Variants in SOHLH1 observed in about 807,000 individuals in gnomAD.
SOHLH1 encodes the protein spermatogenesis and oogenesis specific basic helix-loop-helix 1.
A neutral mutation model predicts 36.2 loss-of-function variants in SOHLH1; 23 were observed. The ratio of observed to expected loss-of-function variants is 0.64; its 90% confidence interval spans 0.46 to 0.90. The LOEUF (loss-of-function observed/expected upper bound fraction) is 0.90, where lower values mean the gene tolerates loss of function less well. Among genes scored for constraint, SOHLH1 ranks in the 40% least tolerant of loss-of-function variants. The pLI is 0.00. For synonymous variants in SOHLH1, 289 were observed against 228.3 expected (o/e 1.27, Z -2.40); for missense variants, 608 against 517.0 (o/e 1.18, Z -1.71).
At chr9:135,697,098 C>T (rs938289825) in intron 4 of SOHLH1, among the ~76,000 whole-genome samples, 10 of 152,222 alleles carry the variant, frequency 6.6e-5, no homozygotes, top group African/African-American at 1.9e-4. Flanking sequence ...ACACAAGATG[C>T]AGACAGTCCT....
At chr9:135,699,504 C>T (rs1217008783), upstream of SOHLH1, 2 of 1,600,860 alleles carry the variant, frequency 1.2e-6, no homozygotes, top group Non-Finnish European at 1.7e-6. Flanking sequence ...CGCGCACGGC[C>T]CCTTCCGCAG....
At chr9:135,697,446 T>C in intron 4 of SOHLH1, 60 bp downstream of exon 4, 1 of 1,584,684 alleles carries the variant, frequency 6.3e-7, no homozygotes, top group Non-Finnish European at 8.6e-7. Context: ...CCAGGGGGCT[T>C]TGGGTCTGCT....
Position 135,694,378 on chromosome 9 carries a change from C to T in SOHLH1, c.946+9G>A. 1 of 1,612,594 alleles carries T rather than the reference C, an allele frequency of 6.2e-7. No individual in the cohort carries two copies. The highest frequency in any genetic ancestry group is 8.5e-7 in the Non-Finnish European group (1 of 1,179,682). On this transcript the variant is annotated intron_variant, in intron 7 of 7. Transcript: ENST00000425225. ...GGGGGACCAGCCCTGAACCCAGGGC[C>T]CCACTCACCCGGCCACGAGCTGGGA...
At position 135,693,723 on chromosome 9, in the gene SOHLH1, G is replaced by A; in HGVS notation, c.1038C>T (p.Asp346=). The A allele has an allele frequency of 6.4e-7, 1 of 1,573,920 alleles. No homozygotes were observed. The highest frequency in any genetic ancestry group is 1.4e-5 in the African/African-American group (1 of 73,928). The change falls in exon 8 of 8, where the codon GAC becomes GAT. Residue 346 remains aspartate (D), a synonymous_variant. Coordinates refer to ENST00000425225, the MANE Select transcript of SOHLH1 (RefSeq NM_001101677.2). ...LDVGEPGFLG[D]PELGSQELQD... is the part of the protein sequence containing the mutation. ...GGAGCTCCTGGGAGCCAAGCTCAGG[G>A]TCCCCTAGGAAGCCTGGCTCTCCAA...
In SOHLH1 at chr9:135,695,857, C is replaced by T. The variant is rs911193826; in HGVS notation, c.662-594G>A. Among the ~76,000 whole-genome samples the T allele has an allele frequency of 2.0e-5, 3 of 152,284 alleles. No homozygotes were observed. The South Asian group carries it at 6.2e-4, about 32-fold the overall frequency. ...CTGTGGGTGGCATTAGGGACAAAGG[C>T]CCCGGGTGGCAGAGGGAACAGCTGG... is the stretch of plus-strand genomic sequence containing the variant. On this transcript the variant is annotated intron_variant, in intron 5 of 7. Transcript: ENST00000425225.
In SOHLH1 at chr9:135,695,182, G is replaced by A. The variant is rs550754812; in HGVS notation, c.743C>T (p.Ser248Leu). The A allele has an allele frequency of 5.9e-5, 95 of 1,604,364 alleles. No homozygotes were observed. Among genetic ancestry groups the A allele is most frequent in the East Asian group, 4.3e-4 (19 of 44,570 alleles). ...VRPPLSWPPFSQQQTLPVMSG... is the reference protein window; with the variant it reads ...VRPPLSWPPFLQQQTLPVMSG... The stretch of plus-strand genomic sequence containing the variant: ...CATCACGGGCAAGGTCTGCTGCTGC[G>A]AGAACGGAGGCCAGGACAGGGGTGG... The change falls in exon 6 of 8, where the codon TCG (serine) becomes TTG (leucine). Residue 248 changes from serine to leucine, a missense_variant. Physicochemically the swap from Ser to Leu is moderately radical, Grantham distance 145. Transcript: ENST00000425225.
At chr9:135,698,756 G>A (rs1434951377) in intron 2 of SOHLH1, among the ~76,000 whole-genome samples, 3 of 152,232 alleles carry the variant, frequency 2.0e-5, no homozygotes, top group African/African-American at 4.8e-5. Flanking sequence ...GCAGTCAGAA[G>A]CACAGAGGGT....
chr9:135,694,836 T>C (rs1296671172), intron 6 of SOHLH1, among the ~76,000 whole-genome samples: 3 of 152,140 alleles, frequency 2.0e-5, no homozygotes, highest in African/African-American at 4.8e-5. Flanking sequence ...CAAAAGTGTT[T>C]CCAGAAACAC....
chr9:135,697,744 C>T (rs1834862640), intron 3 of SOHLH1, 117 bp from the exon 4 acceptor site: 1 of 1,258,434 alleles, frequency 7.9e-7, no homozygotes, highest in African/African-American at 1.5e-5. Flanking sequence ...TCGGTCCCCG[C>T]TTGGAACTTG....
intron 6 of SOHLH1, 96 bp from the exon 7 acceptor site, chr9:135,694,553 G>C (rs755274489): frequency 1.5e-5 from 22 of 1,509,602 alleles, no homozygotes; most frequent in African/African-American, 9.6e-5. Flanking sequence ...AGGCAGCTTC[G>C]AATGCAAAGA....
chr9:135,693,939 A>G lies in SOHLH1; in HGVS notation c.947-125T>C, dbSNP rs1303690503. 2.1e-6 allele frequency: 3 copies of G among 1,443,540 alleles called. No homozygotes were observed. The African/African-American group carries it at 4.3e-5, about 21-fold the overall frequency. 89.4% of individuals were successfully genotyped at this position (1,443,540 alleles called of 1,614,324 possible). ...CTGCCCTGCCCTGTCCCCGCTGCAC[A>G]GAGGCTGTGATGAGGTGGGTGAGCT... On this transcript the variant is annotated intron_variant, in intron 7 of 7. Transcript: ENST00000425225.
chr9:135,698,958 T>C (rs200510854), intron 2 of SOHLH1, 37 bp downstream of exon 2: 33 of 1,610,696 alleles, frequency 2.0e-5, no homozygotes, highest in Non-Finnish European at 2.5e-5. Flanking sequence ...TCCACCCCTT[T>C]ACAGCGCCCT....
chr9:135,696,639 C>T lies in SOHLH1; in HGVS notation c.634G>A (p.Val212Met). ...KCEALLGLCQ[V>M]RGGLPPFSEP... ...GAGAAAGGGGGCAGCCCACCCCGCA[C>T]CTGGCACAGCCCCAACAGTGCCTCA... Residue 212 changes from valine (V) to methionine (M), a missense_variant, in exon 5 of 8, where the codon GTG (valine) becomes ATG (methionine). Physicochemically the swap from Val to Met is conservative, Grantham distance 21 (BLOSUM62 1). Transcript: ENST00000425225. 6.2e-7 allele frequency: 1 copy of T among 1,612,664 alleles called. No homozygotes were observed. Among genetic ancestry groups the T allele is most frequent in the Non-Finnish European group, 8.5e-7 (1 of 1,179,782 alleles).
rs1354447666 is a variant in SOHLH1 at position 135,693,741 on chromosome 9, C to T, written c.1020G>A (p.Glu340=). The T allele has an allele frequency of 4.4e-6, 7 of 1,576,246 alleles. No homozygotes were observed. Among genetic ancestry groups the T allele is most frequent in the Non-Finnish European group, 6.0e-6 (7 of 1,161,860 alleles). ...GCTCAGGGTCCCCTAGGAAGCCTGG[C>T]TCTCCAACATCCAGTGGACTGCTCT... ...PAESSPLDVG[E]PGFLGDPELG... is the part of the protein sequence containing the mutation. Residue 340 remains glutamate (E), a synonymous_variant, in exon 8 of 8, where the codon GAG becomes GAA. Coordinates refer to ENST00000425225, the MANE Select transcript of SOHLH1 (RefSeq NM_001101677.2).
Position 135,697,618 on chromosome 9 carries a change from A to G in SOHLH1, c.355T>C (p.Ser119Pro), listed in dbSNP as rs1249180069. Reference sequence around the variant, plus strand: ...AACGAGTGCCACATTTCCTTGGAGGAAGCAAGAATCTGAAATTTAAGTAAA... The same window carrying G: ...AACGAGTGCCACATTTCCTTGGAGGGAGCAAGAATCTGAAATTTAAGTAAA... ...PSQEQHAILA[S>P]SKEMWHSLQE... is the part of the protein sequence containing the mutation. The change falls in exon 4 of 8, where the codon TCC becomes CCC. Residue 119 changes from serine (S) to proline (P), a missense_variant. Physicochemically the swap from Ser to Pro is moderately conservative, Grantham distance 74. Transcript: ENST00000425225. 1 of 1,611,736 alleles carries G rather than the reference A, an allele frequency of 6.2e-7. No homozygotes were observed. Among genetic ancestry groups the G allele is most frequent in the Admixed American group, 1.7e-5 (1 of 59,992 alleles).
At chr9:135,697,172 C>T (rs1040987620) in intron 4 of SOHLH1, among the ~76,000 whole-genome samples, 4 of 152,238 alleles carry the variant, frequency 2.6e-5, no homozygotes, top group African/African-American at 7.2e-5. Flanking sequence ...AACTGCATTC[C>T]TGAAGCTGCC....
In SOHLH1 at chr9:135,694,414, G is replaced by T. The variant is rs1358640819; in HGVS notation, c.919C>A (p.Leu307Met). 6.2e-7 allele frequency: 1 copy of T among 1,613,224 alleles called. No homozygotes were observed. The highest frequency in any genetic ancestry group is 2.2e-5 in the East Asian group (1 of 44,874). Residue 307 changes from leucine to methionine, a missense_variant, in exon 7 of 8, where the codon CTG (leucine) becomes ATG (methionine). By Grantham distance (15) the Leu-to-Met change is conservative (BLOSUM62 2). Coordinates refer to ENST00000425225, the MANE Select transcript of SOHLH1 (RefSeq NM_001101677.2). ...SDVDDGTSFL[L>M]TAGPSSWPGS... is the part of the protein sequence containing the mutation. ...GGCCACGAGCTGGGACCAGCAGTCA[G>T]CAGGAAGGACGTCCCATCGTCCACA...
chr9:135,700,836 C>T (rs1237388805), upstream of SOHLH1, among the ~76,000 whole-genome samples: 3 of 152,150 alleles, frequency 2.0e-5, no homozygotes, highest in African/African-American at 4.8e-5. Flanking sequence ...GGCCCTGCCC[C>T]TGGCCAGGGA....
intron 7 of SOHLH1, 82 bp downstream of exon 7, chr9:135,694,305 C>T (rs767692187): frequency 2.7e-5 from 43 of 1,605,818 alleles, no homozygotes; most frequent in African/African-American, 4.0e-5. Flanking sequence ...CCCTGACACA[C>T]GCTAGGCCTG....
Sources: gnomAD v4.1 joint callset for allele counts (sites outside exome capture counted in the v4.1 genomes callset) on GRCh38, gnomAD v4.1.1 for gene constraint, MANE v1.5 for transcripts, NCBI Gene and HGNC (gene_info 2026-07-23, HGNC 2026-07-21) for gene names.